PRKG1: variants seen among roughly 807,000 people sequenced by gnomAD.
PRKG1 encodes the protein protein kinase cGMP-dependent 1.
PRKG1 carries 35 observed loss-of-function variants against 88.1 expected under a neutral mutation model. The observed-to-expected ratio is 0.40, with a 90% CI of 0.30 to 0.53. PRKG1 has a LOEUF of 0.53. Among genes scored for constraint, PRKG1 ranks in the 20% least tolerant of loss-of-function variants. PRKG1 has a pLI of 0.59. For missense variants in PRKG1, 540 were observed against 839.8 expected, an observed-to-expected ratio of 0.64 and a Z score of 4.41; for synonymous variants, 303 against 292.5, an observed-to-expected ratio of 1.04 and a Z score of -0.37.
intron 3 of PRKG1, chr10:51,699,589 G>A (rs754769071): frequency 5.7e-6 from 9 of 1,575,394 alleles, no homozygotes; most frequent in Admixed American, 3.6e-5. Flanking sequence ...GATTCTTCGA[G>A]GCGTCTGTCC....
At chr10:52,129,827 A>C (rs1008803663) in intron 7 of PRKG1, among the ~76,000 whole-genome samples, 3 of 152,204 alleles carry the variant, frequency 2.0e-5, no homozygotes, top group Non-Finnish European at 2.9e-5. Flanking sequence ...TATAATTTTC[A>C]TAATGATGGA....
intron 3 of PRKG1, among the ~76,000 whole-genome samples, chr10:51,550,789 T>C (rs889040164): frequency 6.6e-6 from 1 of 151,924 alleles, no homozygotes; most frequent in African/African-American, 2.4e-5. Flanking sequence ...ATATCAAGAA[T>C]TCATGGGAAA....
intron 2 of PRKG1, among the ~76,000 whole-genome samples, chr10:51,330,690 T>G (rs1841717530): frequency 7.2e-6 from 1 of 138,974 alleles, no homozygotes; most frequent in African/African-American, 2.8e-5. Flanking sequence ...TTTCAAATCC[T>G]GTATTAAATT....
chr10:51,234,602 T>G (rs2132114371), intron 2 of PRKG1, among the ~76,000 whole-genome samples: 1 of 152,250 alleles, frequency 6.6e-6, no homozygotes, highest in South Asian at 2.1e-4. Context: ...TATTCTCCAC[T>G]TTAAATAGAA....
intron 3 of PRKG1, among the ~76,000 whole-genome samples, chr10:51,657,800 TAG>T (rs1840198529): frequency 6.6e-6 from 1 of 152,108 alleles, no homozygotes; most frequent in Admixed American, 6.6e-5. Context: ...GAGAATAAAG[TAG>T]AGACTTCCTG....
chr10:51,464,699 G>A (rs923662036), intron 2 of PRKG1, among the ~76,000 whole-genome samples: 3 of 151,448 alleles, frequency 2.0e-5, no homozygotes, highest in Admixed American at 6.6e-5. Context: ...AGACCATCCC[G>A]GCTAAAACGG....
At chr10:51,439,270 T>A (rs746749723) in intron 2 of PRKG1, among the ~76,000 whole-genome samples, 1 of 151,906 alleles carries the variant, frequency 6.6e-6, no homozygotes, top group Non-Finnish European at 1.5e-5. Flanking sequence ...TATGGCTTAA[T>A]GTCTTCATCA....
At chr10:51,328,881 G>GT (rs1213355569) in intron 2 of PRKG1, among the ~76,000 whole-genome samples, 5 of 152,010 alleles carry the variant, frequency 3.3e-5, no homozygotes, top group African/African-American at 9.6e-5. Flanking sequence ...TTTTTTATTT[G>GT]TTTTTTATTT....
At chr10:51,820,840 A>G (rs925652972) in intron 4 of PRKG1, among the ~76,000 whole-genome samples, 1 of 152,154 alleles carries the variant, frequency 6.6e-6, no homozygotes, top group African/African-American at 2.4e-5. Flanking sequence ...ATTTGGTTAT[A>G]ACTCTTACAG....
At chr10:51,754,730 A>G (rs1837813249) in intron 3 of PRKG1, among the ~76,000 whole-genome samples, 1 of 152,228 alleles carries the variant, frequency 6.6e-6, no homozygotes. Context: ...TCTGCCATTT[A>G]AAGGAAATTG....
intron 1 of PRKG1, among the ~76,000 whole-genome samples, chr10:51,030,798 A>C (rs1843272631): frequency 6.6e-6 from 1 of 152,102 alleles, no homozygotes; most frequent in South Asian, 2.1e-4. Context: ...TTCCACCATG[A>C]TTAAAAGCTT....
At chr10:51,925,282 G>A (rs1842550517) in intron 5 of PRKG1, among the ~76,000 whole-genome samples, 1 of 151,466 alleles carries the variant, frequency 6.6e-6, no homozygotes, top group Admixed American at 6.6e-5. Flanking sequence ...AATTCCCTCT[G>A]GTGTCCTTGT....
At chr10:51,781,036 T>C (rs1321536227) in intron 3 of PRKG1, among the ~76,000 whole-genome samples, 2 of 152,222 alleles carry the variant, frequency 1.3e-5, no homozygotes, top group African/African-American at 2.4e-5. Flanking sequence ...AATGGCGTAT[T>C]GGGAAAGAAA....
intron 2 of PRKG1, among the ~76,000 whole-genome samples, chr10:51,282,882 G>A (rs1329966040): frequency 6.6e-6 from 1 of 151,970 alleles, no homozygotes. Context: ...GATTTGGGGG[G>A]TACATGTGCA....
chr10:51,365,832 A>T (rs950734568), intron 2 of PRKG1, among the ~76,000 whole-genome samples: 1 of 151,886 alleles, frequency 6.6e-6, no homozygotes, highest in African/African-American at 2.4e-5. Flanking sequence ...TCCCTTCAAT[A>T]GAATAAACTT....
chr10:52,035,711 G>A (rs948862655), intron 5 of PRKG1, among the ~76,000 whole-genome samples: 5 of 152,240 alleles, frequency 3.3e-5, no homozygotes, highest in African/African-American at 1.2e-4. Context: ...ACAGCTGAAG[G>A]AGCCGGGGAG....
intron 5 of PRKG1, among the ~76,000 whole-genome samples, chr10:52,031,782 G>T (rs1315290748): frequency 6.6e-6 from 1 of 152,146 alleles, no homozygotes; most frequent in Non-Finnish European, 1.5e-5. Context: ...GATAGAAGCT[G>T]CAATTATGAA....
chr10:51,639,037 A>G (rs1001830990), intron 3 of PRKG1, among the ~76,000 whole-genome samples: 1 of 152,154 alleles, frequency 6.6e-6, no homozygotes, highest in Non-Finnish European at 1.5e-5. Context: ...AATGTTTTTT[A>G]AGGAATTGCT....
At chr10:51,762,530 A>G (rs1172711872) in intron 3 of PRKG1, among the ~76,000 whole-genome samples, 1 of 152,216 alleles carries the variant, frequency 6.6e-6, no homozygotes, top group Non-Finnish European at 1.5e-5. Context: ...AATATGATGG[A>G]TAAAATGCAA....
Sources: allele counts gnomAD v4.1 joint callset (sites outside exome capture counted in the v4.1 genomes callset), GRCh38; gene constraint gnomAD v4.1.1; transcripts MANE v1.5; gene names NCBI Gene and HGNC (gene_info 2026-07-23, HGNC 2026-07-21).